Variants in CDH4 observed in about 807,000 individuals in gnomAD.
The protein encoded by CDH4 is cadherin-4.
A neutral mutation model predicts 86.0 loss-of-function variants in CDH4; 33 were observed. The ratio of observed to expected loss-of-function variants is 0.38; its 90% CI spans 0.29 to 0.51. The LOEUF (loss-of-function observed/expected upper bound fraction) is 0.51. Ranked by LOEUF, CDH4 falls within the 20% of genes least tolerant of loss-of-function variation. CDH4 has a pLI of 0.86. For synonymous variants in CDH4, 555 were observed against 549.4 expected (o/e 1.01, Z -0.14); for missense variants, 1,114 against 1,307.4 (o/e 0.85, Z 2.28).
chr20:61,535,112 G>A (rs1253199031), intron 2 of CDH4, among the ~76,000 whole-genome samples: 3 of 152,252 alleles, frequency 2.0e-5, no homozygotes, highest in Admixed American at 6.5e-5. Flanking sequence ...GATGGGTGGC[G>A]CTGGTTGAGC....
chr20:61,522,692 T>C (rs114036882), intron 2 of CDH4, among the ~76,000 whole-genome samples: 4,651 of 152,300 alleles, frequency 0.031, 247 homozygotes, highest in African/African-American at 0.11. Flanking sequence ...GCGCTGCCCT[T>C]GTTCACCCGG....
At chr20:61,815,303 GTGGGGC>G (rs942783866) in intron 4 of CDH4, among the ~76,000 whole-genome samples, 1 of 152,208 alleles carries the variant, frequency 6.6e-6, no homozygotes, top group Non-Finnish European at 1.5e-5. Context: ...TGTGGAGGGC[GTGGGGC>G]TACCTGTCAT....
chr20:61,445,141 A>G (rs1367411722), intron 2 of CDH4, among the ~76,000 whole-genome samples: 1 of 151,728 alleles, frequency 6.6e-6, no homozygotes, highest in South Asian at 2.1e-4. Context: ...CCCACTCCCT[A>G]TTGCAAGAAT....
At chr20:61,856,850 G>A (rs954083852) in intron 6 of CDH4, among the ~76,000 whole-genome samples, 2 of 152,226 alleles carry the variant, frequency 1.3e-5, no homozygotes, top group African/African-American at 4.8e-5. Context: ...CCCCGAGCAA[G>A]GGGACCATGA....
chr20:61,843,001 T>G (rs1244406202), intron 4 of CDH4, among the ~76,000 whole-genome samples: 1 of 152,284 alleles, frequency 6.6e-6, no homozygotes, highest in Non-Finnish European at 1.5e-5. Flanking sequence ...AATGGTTATT[T>G]CGCAGTGTCA....
chr20:61,626,333 A>G (rs900635003), intron 2 of CDH4, among the ~76,000 whole-genome samples: 1 of 152,210 alleles, frequency 6.6e-6, no homozygotes, highest in Non-Finnish European at 1.5e-5. Context: ...TGCAGAGGCC[A>G]GTTTCACTGG....
At chr20:61,925,166 C>T (rs936607861) in intron 11 of CDH4, among the ~76,000 whole-genome samples, 4 of 152,146 alleles carry the variant, frequency 2.6e-5, no homozygotes, top group Admixed American at 6.5e-5. Context: ...TGGGCAGAGA[C>T]GGCAGGAAGA....
chr20:61,641,473 C>G (rs2087009188), intron 2 of CDH4, among the ~76,000 whole-genome samples: 1 of 152,120 alleles, frequency 6.6e-6, no homozygotes, highest in African/African-American at 2.4e-5. Flanking sequence ...CTCAAGGAAT[C>G]ATCAGACTTT....
chr20:61,458,279 G>GTGGTGGT (rs2085420904), intron 2 of CDH4, among the ~76,000 whole-genome samples: 1 of 151,938 alleles, frequency 6.6e-6, no homozygotes, highest in African/African-American at 2.4e-5. Context: ...GATGCTGGTG[G>GTGGTGGT]TGGTGGTGAT....
chr20:61,661,259 C>T (rs1003429608), intron 2 of CDH4, among the ~76,000 whole-genome samples: 4 of 152,206 alleles, frequency 2.6e-5, no homozygotes, highest in African/African-American at 9.6e-5. Flanking sequence ...ACCCCCCAGG[C>T]TCTCACCAGG....
chr20:61,568,385 T>C (rs1418029385), intron 2 of CDH4, among the ~76,000 whole-genome samples: 8 of 152,230 alleles, frequency 5.3e-5, no homozygotes, highest in Admixed American at 3.9e-4. Context: ...GCTGCCGCCA[T>C]GTGAAGAAGG....
intron 4 of CDH4, among the ~76,000 whole-genome samples, chr20:61,779,761 G>A (rs543446094): frequency 1.3e-5 from 2 of 152,364 alleles, no homozygotes; most frequent in South Asian, 2.1e-4. Context: ...GCAAATGAGT[G>A]ATGCCCCGAG....
At chr20:61,267,709 T>C (rs1021302315) in intron 2 of CDH4, among the ~76,000 whole-genome samples, 2 of 152,184 alleles carry the variant, frequency 1.3e-5, no homozygotes, top group Non-Finnish European at 2.9e-5. Context: ...CGTTGGGGAA[T>C]GGATCGTTCA....
At chr20:61,762,043 C>T (rs181876375) in intron 3 of CDH4, among the ~76,000 whole-genome samples, 25 of 152,386 alleles carry the variant, frequency 1.6e-4, no homozygotes, top group African/African-American at 6.0e-4. Context: ...AAGGCCACCC[C>T]AGGGCCCACC....
intron 2 of CDH4, among the ~76,000 whole-genome samples, chr20:61,732,852 G>A (rs532603009): frequency 9.2e-5 from 14 of 152,352 alleles, no homozygotes; most frequent in East Asian, 1.9e-4. Flanking sequence ...TGTGTTGCCC[G>A]AGGCTTTGAT....
rs776268387 is a variant in CDH4 at position 61,743,652 on chromosome 20, G to A, written c.259G>A (p.Ala87Thr). 23 of 1,596,644 alleles carry A rather than the reference G, an allele frequency of 1.4e-5. No homozygotes were observed. The highest frequency in any genetic ancestry group is 2.7e-5 in the African/African-American group (2 of 74,696). The change falls in exon 3 of 16, where the codon GCC (alanine) becomes ACC (threonine). Residue 87 changes from alanine to threonine, a missense_variant. Physicochemically the swap from Ala to Thr is moderately conservative, Grantham distance 58. This residue lies in a region of CDH4 where 221 missense variants were observed against 209.5 expected (regional missense o/e 1.05). Coordinates refer to ENST00000614565, the MANE Select transcript of CDH4 (RefSeq NM_001794.5). ...FKVGADGTVF[A>T]TRELQVPSEQ... ...AGTTGGGGCAGATGGGACAGTCTTC[G>A]CCACCCGGGAGCTGCAGGTCCCCTC...
intron 4 of CDH4, among the ~76,000 whole-genome samples, chr20:61,813,934 C>A (rs934314857): frequency 2.0e-5 from 3 of 152,214 alleles, no homozygotes; most frequent in African/African-American, 7.2e-5. Context: ...ACCTTGCTCA[C>A]CAGGGTCTCC....
chr20:61,882,134 A>G (rs1352001256), intron 7 of CDH4, among the ~76,000 whole-genome samples: 4 of 152,164 alleles, frequency 2.6e-5, no homozygotes, highest in Non-Finnish European at 4.4e-5. Flanking sequence ...AAGCCACCTC[A>G]TTTGACCAGA....
intron 2 of CDH4, among the ~76,000 whole-genome samples, chr20:61,506,739 CAA>C (rs1241384952): frequency 3.9e-5 from 6 of 152,160 alleles, no homozygotes; most frequent in Non-Finnish European, 7.3e-5. Context: ...GAGAGCAACT[CAA>C]GAGAGGCTTT....
Sources: gnomAD v4.1 joint callset for allele counts (sites outside exome capture counted in the v4.1 genomes callset) on GRCh38, gnomAD v4.1.1 for gene constraint, gnomAD v4.1.1 regional missense constraint, MANE v1.5 for transcripts, NCBI Gene and HGNC (gene_info 2026-07-23, HGNC 2026-07-21) for gene names.